Variants in CCSER1 observed in about 807,000 individuals in gnomAD.
CCSER1 encodes coiled-coil serine rich protein 1.
In CCSER1, 41 loss-of-function variants were observed where a neutral mutation model predicts 82.0. The ratio of observed to expected loss-of-function variants is 0.50; its 90% CI spans 0.39 to 0.65. The LOEUF (loss-of-function observed/expected upper bound fraction) is 0.65. CCSER1 is among the 30% of genes least tolerant of loss of function. The pLI is 0.00. For missense variants in CCSER1, 1,119 were observed against 1,064.2 expected (o/e 1.05, Z -0.72); for synonymous variants, 414 against 383.9 (o/e 1.08, Z -0.92).
intron 10 of CCSER1, among the ~76,000 whole-genome samples, chr4:91,442,982 G>A (rs1755289081): frequency 6.6e-6 from 1 of 152,122 alleles, no homozygotes; most frequent in Admixed American, 6.6e-5. Flanking sequence ...AACAGGTGCT[G>A]GAGAGGATGT....
intron 1 of CCSER1, among the ~76,000 whole-genome samples, chr4:90,211,335 A>G (rs966615981): frequency 2.6e-5 from 4 of 152,198 alleles, no homozygotes; most frequent in African/African-American, 9.6e-5. Flanking sequence ...CTCTTGCTTC[A>G]GAGAAGACAT....
At chr4:90,520,672 G>A (rs975075856) in intron 5 of CCSER1, among the ~76,000 whole-genome samples, 1 of 152,138 alleles carries the variant, frequency 6.6e-6, no homozygotes. Flanking sequence ...TGGATCAAAT[G>A]TGCAAAGTTC....
At chr4:90,697,507 T>G (rs2149260835) in intron 6 of CCSER1, among the ~76,000 whole-genome samples, 1 of 152,272 alleles carries the variant, frequency 6.6e-6, no homozygotes, top group African/African-American at 2.4e-5. Context: ...TTACTTCATT[T>G]ATCCTGTAAG....
intron 3 of CCSER1, among the ~76,000 whole-genome samples, chr4:90,316,461 C>A (rs1736183100): frequency 6.6e-6 from 1 of 152,076 alleles, no homozygotes; most frequent in African/African-American, 2.4e-5. Context: ...AAAACAGAAA[C>A]AAAATTTAGT....
chr4:90,911,405 C>T, intron 8 of CCSER1: 3 of 440,946 alleles, frequency 6.8e-6, no homozygotes, highest in South Asian at 4.9e-5. Context: ...CATTTTCATT[C>T]CTGAGCTCAT....
At chr4:90,863,101 C>T (rs1765301858) in intron 8 of CCSER1, among the ~76,000 whole-genome samples, 1 of 151,338 alleles carries the variant, frequency 6.6e-6, no homozygotes, top group Non-Finnish European at 1.5e-5. Context: ...CCCCCCACCC[C>T]ACAACAGTCC....
intron 5 of CCSER1, among the ~76,000 whole-genome samples, chr4:90,497,091 A>G (rs1769155197): frequency 6.6e-6 from 1 of 152,066 alleles, no homozygotes; most frequent in South Asian, 2.1e-4. Flanking sequence ...TTTCTAAGGT[A>G]ACAATGTTGA....
At chr4:90,231,856 T>G (rs966866041) in intron 1 of CCSER1, among the ~76,000 whole-genome samples, 1 of 149,614 alleles carries the variant, frequency 6.7e-6, no homozygotes, top group Non-Finnish European at 1.5e-5. Context: ...AAATCATGAG[T>G]GAACTCCCAT....
intron 5 of CCSER1, among the ~76,000 whole-genome samples, chr4:90,600,945 TGTTA>T (rs983961881): frequency 2.0e-5 from 3 of 149,272 alleles, no homozygotes; most frequent in African/African-American, 7.5e-5. Context: ...TTGATTTTAT[TGTTA>T]GTGATATTAT....
At chr4:90,803,492 G>A (rs1355258507) in intron 7 of CCSER1, among the ~76,000 whole-genome samples, 1 of 152,148 alleles carries the variant, frequency 6.6e-6, no homozygotes, top group Non-Finnish European at 1.5e-5. Flanking sequence ...ATAGTTTGCT[G>A]AGAATGATGG....
At position 90,964,183 on chromosome 4, in the gene CCSER1, C is replaced by A. The variant is rs569947732; in HGVS notation, c.2172+40736C>A. Among the ~76,000 whole-genome samples, 5 of 152,188 alleles carry A rather than the reference C, an allele frequency of 3.3e-5. No individual in the cohort carries two copies. The East Asian group carries it at 9.7e-4, about 29-fold the overall frequency. On this transcript the variant is annotated intron_variant, in intron 9 of 10. Coordinates refer to ENST00000509176, the MANE Select transcript of CCSER1 (RefSeq NM_001145065.2). ...AAACAATGCAGTTGCTTAAAGTTTTCTGTAAATAGGTGCTGATCACAACAT... is the reference window on the plus strand; with the variant it reads ...AAACAATGCAGTTGCTTAAAGTTTTATGTAAATAGGTGCTGATCACAACAT...
chr4:91,550,359 G>A (rs565325046), intron 10 of CCSER1, among the ~76,000 whole-genome samples: 5 of 152,222 alleles, frequency 3.3e-5, no homozygotes, highest in African/African-American at 1.2e-4. Context: ...TCAAGGACTT[G>A]TCCTCAGGGG....
chr4:90,635,488 G>A (rs1474452186), intron 6 of CCSER1, among the ~76,000 whole-genome samples: 2 of 151,486 alleles, frequency 1.3e-5, no homozygotes, highest in East Asian at 1.9e-4. Context: ...AAAGCTGAAA[G>A]GAAATTTTTA....
At chr4:90,193,681 C>T (rs1420310706) in intron 1 of CCSER1, among the ~76,000 whole-genome samples, 1 of 151,794 alleles carries the variant, frequency 6.6e-6, no homozygotes, top group African/African-American at 2.4e-5. Context: ...TAATATTCCA[C>T]CTAAGCTAGC....
At chr4:91,571,960 C>G (rs74699754) in intron 10 of CCSER1, among the ~76,000 whole-genome samples, 2,544 of 152,198 alleles carry the variant, frequency 0.017, 29 homozygotes, top group Non-Finnish European at 0.029. Flanking sequence ...AGGATCATTT[C>G]TCCTTCATTA....
At chr4:91,540,599 C>A (rs1226480707) in intron 10 of CCSER1, among the ~76,000 whole-genome samples, 1 of 151,994 alleles carries the variant, frequency 6.6e-6, no homozygotes, top group Non-Finnish European at 1.5e-5. Context: ...TAGATTGTGC[C>A]TTTAGTGTAT....
intron 9 of CCSER1, among the ~76,000 whole-genome samples, chr4:91,038,456 T>TC (rs5860217): frequency 0.9 from 137,650 of 152,144 alleles, 62,413 homozygotes; most frequent in African/African-American, 0.92. Flanking sequence ...AATAAAAAGA[T>TC]TCATGTGAAA....
At chr4:91,350,776 A>T (rs1239743402) in intron 10 of CCSER1, among the ~76,000 whole-genome samples, 2 of 151,998 alleles carry the variant, frequency 1.3e-5, no homozygotes, top group African/African-American at 4.8e-5. Flanking sequence ...TAGACTTAAT[A>T]TTACTGTCAT....
intron 7 of CCSER1, among the ~76,000 whole-genome samples, chr4:90,771,943 G>A (rs909501480): frequency 6.6e-6 from 1 of 152,028 alleles, no homozygotes; most frequent in Non-Finnish European, 1.5e-5. Context: ...TTGTCTATAT[G>A]GATACTCGAG....
Sources: gnomAD v4.1 joint callset for allele counts (sites outside exome capture counted in the v4.1 genomes callset) on GRCh38, gnomAD v4.1.1 for gene constraint, MANE v1.5 for transcripts, NCBI Gene and HGNC (gene_info 2026-07-23, HGNC 2026-07-21) for gene names.